The following LNPEP variants were observed in gnomAD, a reference collection of about 807,000 sequenced individuals.
LNPEP encodes leucyl and cystinyl aminopeptidase, also known as leucyl-cystinyl aminopeptidase.
A neutral mutation model predicts 120.6 loss-of-function variants in LNPEP; 64 were observed. The ratio of observed to expected loss-of-function variants is 0.53; its 90% CI spans 0.43 to 0.65. The LOEUF (loss-of-function observed/expected upper bound fraction) is 0.65, where lower values mean the gene tolerates loss of function less well. Among genes scored for constraint, LNPEP ranks in the 30% least tolerant of loss-of-function variants. The pLI, the probability that LNPEP is intolerant of heterozygous loss-of-function variation, is 0.00. For missense variants in LNPEP, 1,057 were observed against 1,200.0 expected (o/e 0.88, Z 1.76); for synonymous variants, 435 against 425.4 (o/e 1.02, Z -0.28).
At chr5:97,012,590 C>T (rs1582027284) in intron 11 of LNPEP, among the ~76,000 whole-genome samples, 1 of 152,132 alleles carries the variant, frequency 6.6e-6, no homozygotes, top group East Asian at 1.9e-4. Flanking sequence ...GCTTATGTAG[C>T]TTATATTCTA....
At chr5:96,989,329 AT>A (rs1219749182) in intron 4 of LNPEP, among the ~76,000 whole-genome samples, 2 of 20,730 alleles carry the variant, frequency 9.6e-5, no homozygotes, top group South Asian at 1.5e-3. Flanking sequence ...ATAATATATA[AT>A]TATATATAAT....
intron 1 of LNPEP, among the ~76,000 whole-genome samples, chr5:96,946,543 A>G (rs1309730828): frequency 6.6e-6 from 1 of 152,200 alleles, no homozygotes; most frequent in Non-Finnish European, 1.5e-5. Context: ...TGCGATAAAG[A>G]CTTGAAGAAT....
chr5:97,028,634 A>G lies in LNPEP; in HGVS notation c.*101A>G. The G allele has an allele frequency of 8.0e-7, 1 of 1,251,712 alleles. No individual in the cohort carries two copies. The highest frequency in any genetic ancestry group is 1.1e-6 in the Non-Finnish European group (1 of 880,744). 77.5% of individuals were successfully genotyped at this position (1,251,712 alleles called of 1,614,324 possible). ...CAAGGTAAAGCCAGGATCGCTGCCA[A>G]GTTGTTTGCACTCTTTGGAGTTCTA... On this transcript the variant is annotated 3_prime_UTR_variant, in exon 18 of 18. Transcript: ENST00000231368.
intron 14 of LNPEP, among the ~76,000 whole-genome samples, chr5:97,024,178 C>T (rs573220098): frequency 6.6e-6 from 1 of 152,324 alleles, no homozygotes; most frequent in African/African-American, 2.4e-5. Context: ...ACTTATCACA[C>T]TGAATTGTAA....
At position 97,028,421 on chromosome 5, in the gene LNPEP, ATCAG is replaced by A. The variant is rs767792929; in HGVS notation, c.2971_2974del (p.Ser991ArgfsTer18). The A allele has an allele frequency of 5.0e-6, 8 of 1,613,990 alleles. No individual in the cohort carries two copies. The Admixed American group carries it at 1.3e-4, about 27-fold the overall frequency. On this transcript the variant is annotated frameshift_variant, in exon 18 of 18. Coordinates refer to ENST00000231368, the MANE Select transcript of LNPEP (RefSeq NM_005575.3). LOFTEE classifies it high-confidence loss of function. ...TTACAGGTTCAGGCATTCTTTGAAA[ATCAG>A]TCAGAGGCAACCTTCCGGCTTCGTT...
In LNPEP at chr5:97,034,312, C is replaced by CA. The variant is rs775521444; in HGVS notation, c.*5780dup. On this transcript the variant is annotated 3_prime_UTR_variant, in exon 18 of 18. Coordinates refer to ENST00000231368, the MANE Select transcript of LNPEP (RefSeq NM_005575.3). Reference sequence around the variant, plus strand: ...TAGGTACGTAATGAAAATTGAGGTTCATTCTATGAAAAAATCTCCCCTTCT... The same window carrying CA: ...TAGGTACGTAATGAAAATTGAGGTTCAATTCTATGAAAAAATCTCCCCTTCT... 3 of 152,076 alleles carry CA rather than the reference C, an allele frequency of 2.0e-5. No homozygotes were observed. Among genetic ancestry groups the CA allele is most frequent in the Non-Finnish European group, 4.4e-5 (3 of 68,000 alleles). The allele number at this position is 152,076 out of a possible 1,614,324, so 9.4% of individuals were successfully genotyped here.
intron 2 of LNPEP, among the ~76,000 whole-genome samples, chr5:96,980,997 G>GAT (rs1790109261): frequency 6.6e-6 from 1 of 152,020 alleles, no homozygotes; most frequent in Non-Finnish European, 1.5e-5. Context: ...CAATTCTTGC[G>GAT]TGAGATCTGG....
chr5:97,034,392 ATTTTGTTT>A lies in LNPEP; in HGVS notation c.*5880_*5887del, dbSNP rs931474254. 2.7e-5 allele frequency: 4 copies of A among 147,552 alleles called. No homozygotes were observed. The highest frequency in any genetic ancestry group is 5.1e-5 in the African/African-American group (2 of 39,268). The allele number at this position is 147,552 out of a possible 1,614,324, so 9.1% of individuals were successfully genotyped here. ...GGCCAGTAGAGTAGTTATTTAAGGG[ATTTTGTTT>A]TTTTGTTTTTTTGTTTTTTTTTTGG... On this transcript the variant is annotated 3_prime_UTR_variant, in exon 18 of 18. Coordinates refer to ENST00000231368, the MANE Select transcript of LNPEP (RefSeq NM_005575.3).
At position 97,033,112 on chromosome 5, in the gene LNPEP, A is replaced by G. The variant is rs570620676; in HGVS notation, c.*4579A>G. 1 of 152,256 alleles carries G rather than the reference A, an allele frequency of 6.6e-6. No individual in the cohort carries two copies. The highest frequency in any genetic ancestry group is 6.5e-5 in the Admixed American group (1 of 15,280). 9.4% of individuals were successfully genotyped at this position (152,256 alleles called of 1,614,324 possible). A position where few individuals can be genotyped will look rare whatever the true frequency, so the allele number is the denominator to read the frequency against. ...GTGGAGTATGTACTTAATGTATATA[A>G]ATAAACTTGCTACTACATTGTATTA... On this transcript the variant is annotated 3_prime_UTR_variant, in exon 18 of 18. Coordinates refer to ENST00000231368, the MANE Select transcript of LNPEP (RefSeq NM_005575.3).
At chr5:96,939,871 T>C (rs1789012345) in intron 1 of LNPEP, among the ~76,000 whole-genome samples, 1 of 151,928 alleles carries the variant, frequency 6.6e-6, no homozygotes, top group Non-Finnish European at 1.5e-5. Context: ...TGTGAGTCTT[T>C]TTAAAAAAAA....
chr5:97,028,382 C>T lies in LNPEP; in HGVS notation c.2947-20C>T. ...ATCGTCCTTTTCTTCTTTTGAAATT[C>T]TTCTGTGTGAAACTTACAGGTTCAG... On this transcript the variant is annotated intron_variant, in intron 17 of 17. Coordinates refer to ENST00000231368, the MANE Select transcript of LNPEP (RefSeq NM_005575.3). 1.2e-6 allele frequency: 2 copies of T among 1,612,394 alleles called. No homozygotes were observed. The highest frequency in any genetic ancestry group is 1.7e-6 in the Non-Finnish European group (2 of 1,178,662).
intron 1 of LNPEP, among the ~76,000 whole-genome samples, chr5:96,948,680 G>A (rs115217149): frequency 5.9e-4 from 90 of 152,180 alleles, no homozygotes; most frequent in African/African-American, 2.0e-3. Context: ...ATTGTTTCTC[G>A]AAAAGATTAT....
intron 1 of LNPEP, among the ~76,000 whole-genome samples, chr5:96,970,375 C>A (rs1332744386): frequency 6.6e-6 from 1 of 151,986 alleles, no homozygotes; most frequent in Non-Finnish European, 1.5e-5. Flanking sequence ...CTGAATTTCT[C>A]CTTTTATCAT....
chr5:97,006,046 T>TTATTTA (rs1790773698), intron 9 of LNPEP, 27 bp from the exon 10 acceptor site: 1 of 656,082 alleles, frequency 1.5e-6, no homozygotes, highest in Non-Finnish European at 2.1e-6. Context: ...GGAAAAAGTT[T>TTATTTA]TATATATATA....
intron 13 of LNPEP, 35 bp from the exon 14 acceptor site, chr5:97,022,265 T>A (rs764345999): frequency 3.1e-6 from 4 of 1,274,332 alleles, no homozygotes; most frequent in Non-Finnish European, 4.4e-6. Context: ...GTCCTAATTA[T>A]TATGAAGCCA....
chr5:96,988,666 A>G (rs899834606), intron 4 of LNPEP, among the ~76,000 whole-genome samples: 3 of 151,998 alleles, frequency 2.0e-5, no homozygotes, highest in Non-Finnish European at 4.4e-5. Context: ...GCTGGAGTAC[A>G]TGGTGCAATC....
At chr5:96,938,040 G>A (rs2112551373) in intron 1 of LNPEP, among the ~76,000 whole-genome samples, 1 of 151,932 alleles carries the variant, frequency 6.6e-6, no homozygotes, top group Non-Finnish European at 1.5e-5. Flanking sequence ...AAGGAAAACA[G>A]AAACGACAAT....
At chr5:96,973,225 A>G (rs916809182) in intron 1 of LNPEP, among the ~76,000 whole-genome samples, 1 of 152,070 alleles carries the variant, frequency 6.6e-6, no homozygotes, top group Non-Finnish European at 1.5e-5. Context: ...TTCTTTGAGT[A>G]TGGGTTTAGC....
At chr5:96,977,327 A>G (rs1195283924) in intron 1 of LNPEP, among the ~76,000 whole-genome samples, 1 of 151,948 alleles carries the variant, frequency 6.6e-6, no homozygotes, top group Non-Finnish European at 1.5e-5. Flanking sequence ...GGAAAGGGAG[A>G]TGATGACACT....
Sources: gnomAD v4.1 joint callset for allele counts (sites outside exome capture counted in the v4.1 genomes callset) on GRCh38, gnomAD v4.1.1 for gene constraint, MANE v1.5 for transcripts, NCBI Gene and HGNC (gene_info 2026-07-23, HGNC 2026-07-21) for gene names.